Variants in CPNE2 observed in about 807,000 individuals in gnomAD.
CPNE2 encodes the protein copine-2.
CPNE2 carries 42 observed loss-of-function variants against 69.7 expected under a neutral mutation model. The observed-to-expected ratio is 0.60, with a 90% CI of 0.47 to 0.78. The LOEUF (loss-of-function observed/expected upper bound fraction) is 0.78, where lower values mean the gene tolerates loss of function less well. CPNE2 is among the 30% of genes least tolerant of loss of function. The pLI is 0.00. For synonymous variants in CPNE2, 294 were observed against 289.8 expected (o/e 1.01, Z -0.15); for missense variants, 587 against 732.0 (o/e 0.80, Z 2.29).
intron 1 of CPNE2, among the ~76,000 whole-genome samples, chr16:57,095,347 G>T (rs1366448213): frequency 3.3e-5 from 5 of 152,232 alleles, no homozygotes; most frequent in Admixed American, 2.6e-4. Context: ...GCGCCTCCTG[G>T]CTCACATCCC....
chr16:57,136,423 A>G (rs540205410), intron 13 of CPNE2, among the ~76,000 whole-genome samples: 2 of 152,344 alleles, frequency 1.3e-5, no homozygotes, highest in Admixed American at 6.5e-5. Context: ...AAGCCATAGC[A>G]TGTCCAGAAT....
Position 57,097,625 on chromosome 16 carries a change from G to A in CPNE2, c.-36+4835G>A, listed in dbSNP as rs183275529. ...AGGACACATGGCCCAGGTTGCATAG[G>A]GAATGGGTGACTTTCTCCAGCACAC... On this transcript the variant is annotated intron_variant, in intron 1 of 15. Coordinates refer to ENST00000290776, the MANE Select transcript of CPNE2 (RefSeq NM_152727.6). 5.3e-5 allele frequency among the ~76,000 whole-genome samples: 8 copies of A among 152,288 alleles called. No homozygotes were observed. The East Asian group carries it at 1.5e-3, about 29-fold the overall frequency.
chr16:57,116,708 G>C (rs1299000177), intron 4 of CPNE2, among the ~76,000 whole-genome samples: 1 of 152,208 alleles, frequency 6.6e-6, no homozygotes, highest in African/African-American at 2.4e-5. Flanking sequence ...GGTGATAATA[G>C]GACCTACCCT....
rs1378835864 is a variant in CPNE2 at position 57,130,630 on chromosome 16, A to G, written c.1116+2727A>G. Among the ~76,000 whole-genome samples, 1 of 152,088 alleles carries G rather than the reference A, an allele frequency of 6.6e-6. No individual in the cohort carries two copies. The highest frequency in any genetic ancestry group is 1.9e-4 in the East Asian group (1 of 5,170). On this transcript the variant is annotated intron_variant, in intron 12 of 15. Transcript: ENST00000290776. The surrounding 1 kb of genome is among the most constrained non-coding windows in gnomAD (Gnocchi z 4.1). ...CCCATTTTGATCGTTGAGGAAGCCA[A>G]GCAGTCAGGGCTCGGGGAGGAGGGA...
intron 2 of CPNE2, 86 bp downstream of exon 2, chr16:57,111,008 T>A (rs8053682): frequency 0.49 from 621,451 of 1,270,180 alleles, 157,434 homozygotes; most frequent in African/African-American, 0.78. Context: ...GGATCCAGGA[T>A]GTCTGATGGA....
Position 57,119,620 on chromosome 16 carries a change from G to A in CPNE2, c.651G>A (p.Leu217=), listed in dbSNP as rs773870990. The A allele has an allele frequency of 6.2e-7, 1 of 1,612,556 alleles. No individual in the cohort carries two copies. Among genetic ancestry groups the A allele is most frequent in the Non-Finnish European group, 8.5e-7 (1 of 1,179,392 alleles). ...WKPFTVPLVS[L]CDGDMEKPIQ... is the part of the protein sequence containing the mutation. The stretch of plus-strand genomic sequence containing the variant: ...CATTCACAGTGCCCTTGGTGTCCCT[G>A]TGTGATGGGGACATGGAGAAGCCCA... The change falls in exon 7 of 16, where the codon CTG becomes CTA. Residue 217 remains leucine, a synonymous_variant. Coordinates refer to ENST00000290776, the MANE Select transcript of CPNE2 (RefSeq NM_152727.6).
rs770130221 is a variant in CPNE2, at chr16:57,137,180, T to C, written c.1200T>C (p.Ala400=). 6.8e-6 allele frequency: 11 copies of C among 1,614,224 alleles called. No individual in the cohort carries two copies. The East Asian group carries it at 2.5e-4, about 36-fold the overall frequency. The part of the protein sequence containing the change: ...GVDGIAQAYS[A]CLPHIRFYGP... Reference sequence around the variant, plus strand: ...ATGGTATTGCCCAGGCGTACTCAGCTTGCCTGCCCCACATCCGCTTCTACG... The same window carrying C: ...ATGGTATTGCCCAGGCGTACTCAGCCTGCCTGCCCCACATCCGCTTCTACG... Residue 400 remains alanine (A), a synonymous_variant, in exon 14 of 16, where the codon GCT becomes GCC. Transcript: ENST00000290776.
chr16:57,105,039 A>G (rs1480893166), intron 1 of CPNE2, among the ~76,000 whole-genome samples: 1 of 152,118 alleles, frequency 6.6e-6, no homozygotes, highest in Non-Finnish European at 1.5e-5. Context: ...TTTCAGGTAG[A>G]GCCATGGTGG....
intron 14 of CPNE2, among the ~76,000 whole-genome samples, chr16:57,140,664 A>G (rs1355133976): frequency 6.6e-6 from 1 of 151,952 alleles, no homozygotes; most frequent in Non-Finnish European, 1.5e-5. Flanking sequence ...TCCTGGGTTC[A>G]AGCAATTCTC....
In CPNE2 at chr16:57,095,576, G is replaced by A. The variant is rs1378165354; in HGVS notation, c.-36+2786G>A. 3.3e-5 allele frequency among the ~76,000 whole-genome samples: 5 copies of A among 152,172 alleles called. No individual in the cohort carries two copies. The East Asian group carries it at 5.8e-4, about 18-fold the overall frequency. On this transcript the variant is annotated intron_variant, in intron 1 of 15. Coordinates refer to ENST00000290776, the MANE Select transcript of CPNE2 (RefSeq NM_152727.6). The stretch of plus-strand genomic sequence containing the variant: ...CAACCTCCACCTCCCAGGTTCAGGC[G>A]ATTCTTGTGCCTTAGCCTCCCAAGT...
chr16:57,135,779 C>T (rs952740423), intron 13 of CPNE2, among the ~76,000 whole-genome samples: 6 of 145,606 alleles, frequency 4.1e-5, no homozygotes, highest in African/African-American at 7.6e-5. Flanking sequence ...GAAGCTGAGG[C>T]GGGAGAATCG....
At position 57,117,488 on chromosome 16, in the gene CPNE2, C is replaced by G. The variant is rs370063749; in HGVS notation, c.436-8C>G. On this transcript the variant is annotated splice_polypyrimidine_tract_variant and splice_region_variant and intron_variant, in intron 4 of 15. Coordinates refer to ENST00000290776, the MANE Select transcript of CPNE2 (RefSeq NM_152727.6). ...GTCTGAGGAGCCCCTCATGTCCCGGCCTTACAGATCGCTGCCCAGGAGCTG... is the reference window on the plus strand; with the variant it reads ...GTCTGAGGAGCCCCTCATGTCCCGGGCTTACAGATCGCTGCCCAGGAGCTG... The G allele has an allele frequency of 6.2e-7, 1 of 1,612,768 alleles. No homozygotes were observed. Among genetic ancestry groups the G allele is most frequent in the South Asian group, 1.1e-5 (1 of 90,672 alleles).
chr16:57,117,602 C>A, intron 5 of CPNE2, 35 bp downstream of exon 5: 1 of 1,606,152 alleles, frequency 6.2e-7, no homozygotes, highest in Non-Finnish European at 8.5e-7. Context: ...CCATTGGGAA[C>A]AGTAGCCCCC....
At chr16:57,135,971 A>G (rs1419973124) in intron 13 of CPNE2, among the ~76,000 whole-genome samples, 3 of 127,714 alleles carry the variant, frequency 2.3e-5, no homozygotes, top group Non-Finnish European at 4.9e-5. Context: ...AGGGGAAGGG[A>G]GAAGGAGGGA....
At chr16:57,106,922 C>T (rs948152334) in intron 1 of CPNE2, among the ~76,000 whole-genome samples, 1 of 152,224 alleles carries the variant, frequency 6.6e-6, no homozygotes, top group African/African-American at 2.4e-5. Context: ...GCCTAGGTCC[C>T]ACAATGTTCA....
chr16:57,146,424 C>T lies in CPNE2; in HGVS notation c.1539+103C>T, dbSNP rs2069959082. 1 of 980,052 alleles carries T rather than the reference C, an allele frequency of 1.0e-6. No individual in the cohort carries two copies. The highest frequency in any genetic ancestry group is 1.5e-6 in the Non-Finnish European group (1 of 663,358). The allele number at this position is 980,052 out of a possible 1,614,324, so 60.7% of individuals were successfully genotyped here. A position where few individuals can be genotyped will look rare whatever the true frequency, so the allele number is the denominator to read the frequency against. On this transcript the variant is annotated intron_variant, in intron 15 of 15. Coordinates refer to ENST00000290776, the MANE Select transcript of CPNE2 (RefSeq NM_152727.6). This position sits in a 1 kb window ranked among gnomAD's most constrained non-coding sequence, Gnocchi z 4.4. ...TGGGGTTGTCTGGCCCAATCCTAGA[C>T]TTCTCCACTCCATTGACTATGCTCT...
intron 12 of CPNE2, among the ~76,000 whole-genome samples, chr16:57,134,200 C>A (rs2069859680): frequency 6.6e-6 from 1 of 152,112 alleles, no homozygotes; most frequent in East Asian, 1.9e-4. Flanking sequence ...CAGGATGAGT[C>A]CCTAGGGAGC....
At chr16:57,135,702 C>T (rs766086499) in intron 13 of CPNE2, among the ~76,000 whole-genome samples, 4 of 151,258 alleles carry the variant, frequency 2.6e-5, no homozygotes, top group East Asian at 2.0e-4. Context: ...TGTGAAACCC[C>T]GTCTGTACTA....
In CPNE2 at chr16:57,099,439, C is replaced by T. The variant is rs76640861; in HGVS notation, c.-36+6649C>T. Among the ~76,000 whole-genome samples the T allele has an allele frequency of 0.021, 3,143 of 152,188 alleles. 170 individuals are homozygous for T. In the East Asian group the frequency reaches 0.21, roughly 10 times the overall value. ...CTGTGTGTATCTTTGGGTGAACATA[C>T]GTGAGTGTTTTCGTTGGGCACTAAT... On this transcript the variant is annotated intron_variant, in intron 1 of 15. Transcript: ENST00000290776.
Sources: allele counts gnomAD v4.1 joint callset (sites outside exome capture counted in the v4.1 genomes callset), GRCh38; gene constraint gnomAD v4.1.1; non-coding constraint Gnocchi (gnomAD v3.1); transcripts MANE v1.5; gene names NCBI Gene and HGNC (gene_info 2026-07-23, HGNC 2026-07-21).